The following TAFA2 variants were observed in gnomAD, a reference collection of about 807,000 sequenced individuals.
TAFA2 encodes TAFA chemokine like family member 2, also known as chemokine-like protein TAFA-2.
In TAFA2, 7 loss-of-function variants were observed where a neutral mutation model predicts 18.8. The ratio of observed to expected loss-of-function variants is 0.37; its 90% CI spans 0.21 to 0.70. The LOEUF (loss-of-function observed/expected upper bound fraction) is 0.70, where lower values mean the gene tolerates loss of function less well. Among genes scored for constraint, TAFA2 ranks in the 30% least tolerant of loss-of-function variants. The pLI is 0.53. For synonymous variants in TAFA2, 60 were observed against 54.2 expected, an observed-to-expected ratio of 1.11 and a Z score of -0.47; for missense variants, 122 against 158.1, an observed-to-expected ratio of 0.77 and a Z score of 1.23.
chr12:61,829,846 G>A (rs996471620), intron 2 of TAFA2, among the ~76,000 whole-genome samples: 8 of 151,560 alleles, frequency 5.3e-5, no homozygotes, highest in African/African-American at 1.9e-4. Context: ...AGAACACAAA[G>A]TACAAAAAGA....
chr12:61,901,481 T>C (rs561304865), intron 1 of TAFA2, among the ~76,000 whole-genome samples: 1 of 152,000 alleles, frequency 6.6e-6, no homozygotes, highest in Admixed American at 6.6e-5. Context: ...TCTTCAACTT[T>C]GTAGTTGAAA....
chr12:62,172,037 T>C (rs2062481341), intron 1 of TAFA2, among the ~76,000 whole-genome samples: 1 of 152,222 alleles, frequency 6.6e-6, no homozygotes, highest in Non-Finnish European at 1.5e-5. Context: ...TATAAATGTA[T>C]TTTTAGTATA....
At chr12:62,133,651 C>T (rs1285543570) in intron 1 of TAFA2, among the ~76,000 whole-genome samples, 13 of 151,988 alleles carry the variant, frequency 8.6e-5, no homozygotes, top group Admixed American at 8.5e-4. Context: ...CCCTTGCCCT[C>T]CAAGGATACA....
intron 1 of TAFA2, among the ~76,000 whole-genome samples, chr12:62,103,207 C>A (rs183012241): frequency 2.0e-4 from 30 of 152,330 alleles, no homozygotes; most frequent in African/African-American, 7.0e-4. Flanking sequence ...GTTTGCTGTT[C>A]ATTCAGAAAT....
chr12:62,150,275 C>A (rs1000242379), intron 1 of TAFA2, among the ~76,000 whole-genome samples: 1 of 152,164 alleles, frequency 6.6e-6, no homozygotes, highest in Non-Finnish European at 1.5e-5. Context: ...TTTTCATGAT[C>A]TTTCTGTATA....
intron 2 of TAFA2, among the ~76,000 whole-genome samples, chr12:61,809,088 G>A (rs1042778001): frequency 2.0e-5 from 3 of 151,468 alleles, no homozygotes; most frequent in African/African-American, 2.5e-5. Context: ...AAAGCACATA[G>A]CTTGAAAGTG....
chr12:62,219,644 T>A (rs1193326243), intron 1 of TAFA2, among the ~76,000 whole-genome samples: 1 of 152,154 alleles, frequency 6.6e-6, no homozygotes, highest in Non-Finnish European at 1.5e-5. Context: ...CTATTTGTCA[T>A]AAGGGGTTGA....
At chr12:61,857,490 G>A (rs146493071) in intron 2 of TAFA2, among the ~76,000 whole-genome samples, 231 of 152,178 alleles carry the variant, frequency 1.5e-3, no homozygotes, top group African/African-American at 5.2e-3. Flanking sequence ...TATTCTTGTG[G>A]CAAATATTTG....
At chr12:61,930,440 C>T (rs1245755356) in intron 1 of TAFA2, among the ~76,000 whole-genome samples, 1 of 152,198 alleles carries the variant, frequency 6.6e-6, no homozygotes. Flanking sequence ...TGGCTCTGTG[C>T]TTAAAAACTT....
intron 1 of TAFA2, among the ~76,000 whole-genome samples, chr12:62,039,501 A>G (rs945225406): frequency 1.3e-5 from 2 of 152,162 alleles, no homozygotes; most frequent in African/African-American, 4.8e-5. Flanking sequence ...TAAAGCAGAA[A>G]CTTGATGGTT....
chr12:62,054,974 C>T (rs1882149704), intron 1 of TAFA2, among the ~76,000 whole-genome samples: 1 of 152,156 alleles, frequency 6.6e-6, no homozygotes, highest in African/African-American at 2.4e-5. Flanking sequence ...TTGCTATAGA[C>T]AATGTTTGTA....
intron 1 of TAFA2, among the ~76,000 whole-genome samples, chr12:61,868,664 A>T (rs990509948): frequency 1.3e-5 from 2 of 152,154 alleles, no homozygotes; most frequent in African/African-American, 4.8e-5. Context: ...GGAGTCCTTG[A>T]CATTTTTTCA....
intron 1 of TAFA2, among the ~76,000 whole-genome samples, chr12:61,993,844 C>G (rs1282959720): frequency 1.3e-5 from 2 of 152,046 alleles, no homozygotes; most frequent in African/African-American, 4.8e-5. Context: ...CTTCTCTGTC[C>G]CCCTCCAAAA....
At chr12:61,812,148 C>T (rs1417275161) in intron 2 of TAFA2, among the ~76,000 whole-genome samples, 2 of 151,380 alleles carry the variant, frequency 1.3e-5, no homozygotes, top group East Asian at 3.9e-4. Flanking sequence ...ACAAGACCAC[C>T]TCAGCACAGA....
At chr12:61,728,409 C>A (rs1383722993) in intron 4 of TAFA2, among the ~76,000 whole-genome samples, 1 of 151,878 alleles carries the variant, frequency 6.6e-6, no homozygotes, top group East Asian at 1.9e-4. Context: ...GGATCTCCAG[C>A]ATTAGGTGCA....
intron 1 of TAFA2, among the ~76,000 whole-genome samples, chr12:61,925,388 C>T (rs1219898854): frequency 6.6e-6 from 1 of 152,132 alleles, no homozygotes; most frequent in Non-Finnish European, 1.5e-5. Flanking sequence ...CAAACAGTCT[C>T]CCAAACCACA....
At chr12:62,072,502 C>A in intron 1 of TAFA2, among the ~76,000 whole-genome samples, 1 of 151,850 alleles carries the variant, frequency 6.6e-6, no homozygotes. Flanking sequence ...CATTCCAGGC[C>A]GGGCATGATG....
intron 1 of TAFA2, chr12:62,234,758 C>G: frequency 9.2e-7 from 1 of 1,087,764 alleles, no homozygotes; most frequent in South Asian, 1.2e-5. Context: ...TGGAGTTCTG[C>G]TCTGCTGTCT....
Position 62,186,479 on chromosome 12 carries a change from C to T in TAFA2, c.-2+4780G>A, listed in dbSNP as rs139838341. On this transcript the variant is annotated intron_variant, in intron 1 of 4. Coordinates refer to ENST00000416284, the MANE Select transcript of TAFA2 (RefSeq NM_178539.5). ...CAAATTACTAAATTCAGCCTATCACCGTAATTGCTAGAATGCAACATTATC... is the reference window on the plus strand; with the variant it reads ...CAAATTACTAAATTCAGCCTATCACTGTAATTGCTAGAATGCAACATTATC... Among the ~76,000 whole-genome samples, 90 of 152,228 alleles carry T rather than the reference C, an allele frequency of 5.9e-4. 1 individual carries two copies. Among genetic ancestry groups the T allele is most frequent in the African/African-American group, 2.1e-3 (86 of 41,554 alleles).
Sources: gnomAD v4.1 joint callset for allele counts (sites outside exome capture counted in the v4.1 genomes callset) on GRCh38, gnomAD v4.1.1 for gene constraint, MANE v1.5 for transcripts, NCBI Gene and HGNC (gene_info 2026-07-23, HGNC 2026-07-21) for gene names.